The following SLC35F4 variants were observed in gnomAD, a reference collection of about 807,000 sequenced individuals.
The protein encoded by SLC35F4 is solute carrier family 35 member F4, also known as chromosome 14 open reading frame 36.
In SLC35F4, 24 loss-of-function variants were observed where a neutral mutation model predicts 44.2. The observed-to-expected ratio is 0.54, with a 90% CI of 0.39 to 0.76. SLC35F4 has a LOEUF of 0.76. Among genes scored for constraint, SLC35F4 ranks in the 30% least tolerant of loss-of-function variants. The probability of loss-of-function intolerance (pLI) is 0.00; values close to 1 mark genes in which losing one functional copy is unlikely to be tolerated. For synonymous variants in SLC35F4, 238 were observed against 223.6 expected (o/e 1.06, Z -0.57); for missense variants, 562 against 586.1 (o/e 0.96, Z 0.42).
chr14:57,584,780 A>C (rs967497460), intron 3 of SLC35F4, among the ~76,000 whole-genome samples: 2 of 152,148 alleles, frequency 1.3e-5, no homozygotes, highest in Non-Finnish European at 2.9e-5. Flanking sequence ...TCTTAAACTG[A>C]CTTAACTTGC....
In SLC35F4 at chr14:57,593,958, A is replaced by G; in HGVS notation, c.270T>C (p.Val90=). 6.2e-7 allele frequency: 1 copy of G among 1,613,838 alleles called. No homozygotes were observed. The highest frequency in any genetic ancestry group is 8.5e-7 in the Non-Finnish European group (1 of 1,179,840). ...ACATACCTGATCTGTTCTGTCTCTCAACTCTGTGTCCACAAACTCCTGAGG... is the reference window on the plus strand; with the variant it reads ...ACATACCTGATCTGTTCTGTCTCTCGACTCTGTGTCCACAAACTCCTGAGG... ...QGSSGVCGHR[V]ERQNRSADDG... Residue 90 remains valine, a synonymous_variant, in exon 2 of 8, where the codon GTT becomes GTC. Transcript: ENST00000556826.
At chr14:57,868,344 T>G (rs915913732), upstream of SLC35F4, among the ~76,000 whole-genome samples, 5 of 152,340 alleles carry the variant, frequency 3.3e-5, no homozygotes, top group African/African-American at 1.2e-4. Flanking sequence ...CAATTATAAA[T>G]TGATAAACAG....
downstream of SLC35F4, among the ~76,000 whole-genome samples, chr14:57,972,921 C>T (rs770435778): frequency 1.3e-5 from 2 of 152,248 alleles, no homozygotes; most frequent in Non-Finnish European, 1.5e-5. Context: ...AGGGAGAAGG[C>T]TCACTGTGAG....
At chr14:57,605,608 T>G (rs920545468) in intron 1 of SLC35F4, among the ~76,000 whole-genome samples, 3 of 152,158 alleles carry the variant, frequency 2.0e-5, no homozygotes, top group African/African-American at 7.2e-5. Flanking sequence ...CTACTGAGTA[T>G]ATGCCCAAAA....
chr14:57,857,915 C>A (rs557022344), intron 1 of SLC35F4, among the ~76,000 whole-genome samples: 1 of 152,108 alleles, frequency 6.6e-6, no homozygotes, highest in South Asian at 2.1e-4. Flanking sequence ...ACAATAATGT[C>A]ATTAAAACAA....
At chr14:57,724,188 C>A (rs1389292733) in intron 1 of SLC35F4, among the ~76,000 whole-genome samples, 1 of 152,138 alleles carries the variant, frequency 6.6e-6, no homozygotes. Context: ...GCAACAGGTC[C>A]AGGCTGCTGT....
chr14:57,980,903 T>C (rs1046047615), intron 1 of SLC35F4, among the ~76,000 whole-genome samples: 1 of 152,194 alleles, frequency 6.6e-6, no homozygotes, highest in African/African-American at 2.4e-5. Context: ...GGAAGTTCTT[T>C]TGGAAGGTGC....
At chr14:57,574,711 C>A (rs2139733797) in intron 4 of SLC35F4, among the ~76,000 whole-genome samples, 1 of 152,268 alleles carries the variant, frequency 6.6e-6, no homozygotes, top group Non-Finnish European at 1.5e-5. Context: ...CTCAACTAAT[C>A]TTGAAAATGA....
At chr14:57,930,615 T>C (rs1474760752) in intron 1 of SLC35F4, among the ~76,000 whole-genome samples, 1 of 152,206 alleles carries the variant, frequency 6.6e-6, no homozygotes, top group Non-Finnish European at 1.5e-5. Flanking sequence ...ACATTTCTTC[T>C]AAAATGTTTA....
intron 1 of SLC35F4, among the ~76,000 whole-genome samples, chr14:57,745,316 A>G (rs1393230721): frequency 6.6e-6 from 1 of 152,206 alleles, no homozygotes; most frequent in Non-Finnish European, 1.5e-5. Flanking sequence ...AAGGGAGAAA[A>G]TTTTTACAAT....
intron 1 of SLC35F4, among the ~76,000 whole-genome samples, chr14:57,751,220 A>G (rs752495870): frequency 3.3e-5 from 5 of 152,238 alleles, no homozygotes; most frequent in Non-Finnish European, 7.3e-5. Context: ...AATAAGAAGC[A>G]GGGCAAAACT....
intron 4 of SLC35F4, among the ~76,000 whole-genome samples, chr14:57,572,228 C>T (rs2139709687): frequency 6.6e-6 from 1 of 152,242 alleles, no homozygotes; most frequent in Non-Finnish European, 1.5e-5. Context: ...TGTTCACATT[C>T]TAATTAAAGA....
chr14:57,951,289 T>G (rs1381078708), intron 1 of SLC35F4, among the ~76,000 whole-genome samples: 1 of 152,158 alleles, frequency 6.6e-6, no homozygotes, highest in Admixed American at 6.5e-5. Context: ...CTTCACAACC[T>G]GCAGACCAGG....
chr14:57,577,532 AAG>A (rs2068879184), intron 4 of SLC35F4, among the ~76,000 whole-genome samples: 1 of 152,184 alleles, frequency 6.6e-6, no homozygotes, highest in African/African-American at 2.4e-5. Flanking sequence ...ATAAAAAAAT[AAG>A]AGAGGGACAA....
chr14:57,937,617 AAAG>A (rs1170503854), intron 1 of SLC35F4, among the ~76,000 whole-genome samples: 3 of 110,160 alleles, frequency 2.7e-5, no homozygotes, highest in Admixed American at 8.6e-5. Flanking sequence ...AAAGAAAAGA[AAAG>A]AAAAGAAAAG....
At chr14:57,718,953 T>A (rs2140428305) in intron 1 of SLC35F4, among the ~76,000 whole-genome samples, 1 of 152,314 alleles carries the variant, frequency 6.6e-6, no homozygotes, top group African/African-American at 2.4e-5. Flanking sequence ...TTTCTTGTAG[T>A]TATTTCATAG....
At chr14:57,725,731 CT>C (rs2076185820) in intron 1 of SLC35F4, among the ~76,000 whole-genome samples, 1 of 152,168 alleles carries the variant, frequency 6.6e-6, no homozygotes, top group South Asian at 2.1e-4. Context: ...GGTGACAATA[CT>C]TTGCAGGGCT....
intron 1 of SLC35F4, among the ~76,000 whole-genome samples, chr14:57,925,641 C>T (rs1594629238): frequency 7.4e-6 from 1 of 134,704 alleles, no homozygotes; most frequent in African/African-American, 2.8e-5. Context: ...CTTGAAGGAG[C>T]TTTTTTTTTT....
intron 1 of SLC35F4, among the ~76,000 whole-genome samples, chr14:57,617,130 CTTTTTTT>C (rs3054446): frequency 1.0e-5 from 1 of 99,248 alleles, no homozygotes; most frequent in African/African-American, 3.8e-5. Flanking sequence ...TGTACTTATT[CTTTTTTT>C]TTTTTTTTTT....
Sources: gnomAD v4.1 joint callset for allele counts (sites outside exome capture counted in the v4.1 genomes callset) on GRCh38, gnomAD v4.1.1 for gene constraint, MANE v1.5 for transcripts, NCBI Gene and HGNC (gene_info 2026-07-23, HGNC 2026-07-21) for gene names.